The following ASIC2 variants were observed in gnomAD, a reference collection of about 807,000 sequenced individuals.
ASIC2 encodes acid-sensing ion channel 2.
Under a neutral mutation model 57.3 loss-of-function variants are expected in ASIC2, and 25 were observed. The ratio of observed to expected loss-of-function variants is 0.44; its 90% CI spans 0.32 to 0.61. The LOEUF (loss-of-function observed/expected upper bound fraction) is 0.61, where lower values mean the gene tolerates loss of function less well. ASIC2 is among the 20% of genes least tolerant of loss of function. ASIC2 has a pLI of 0.06. For synonymous variants in ASIC2, 319 were observed against 307.5 expected, an observed-to-expected ratio of 1.04 and a Z score of -0.39; for missense variants, 641 against 738.1, an observed-to-expected ratio of 0.87 and a Z score of 1.52.
At chr17:33,586,365 GT>G (rs1387990981) in intron 1 of ASIC2, among the ~76,000 whole-genome samples, 4 of 151,940 alleles carry the variant, frequency 2.6e-5, no homozygotes, top group Non-Finnish European at 4.4e-5. Flanking sequence ...AAATTCTTGG[GT>G]TATTGCAATA....
At chr17:33,965,966 TC>T (rs1289293298) in intron 1 of ASIC2, among the ~76,000 whole-genome samples, 4 of 152,130 alleles carry the variant, frequency 2.6e-5, no homozygotes, top group African/African-American at 9.7e-5. Context: ...GCCTATGCTC[TC>T]CTCCTCCTCT....
intron 1 of ASIC2, among the ~76,000 whole-genome samples, chr17:33,270,933 G>C (rs1904467562): frequency 6.6e-6 from 1 of 152,206 alleles, no homozygotes. Context: ...AGAGGAGGAA[G>C]CTAAGGATCC....
chr17:33,846,657 C>T (rs1913613317), intron 1 of ASIC2, among the ~76,000 whole-genome samples: 1 of 152,156 alleles, frequency 6.6e-6, no homozygotes, highest in African/African-American at 2.4e-5. Context: ...CACACCCACC[C>T]ACACACAATA....
At chr17:33,560,722 G>C (rs1231749288) in intron 1 of ASIC2, among the ~76,000 whole-genome samples, 1 of 152,198 alleles carries the variant, frequency 6.6e-6, no homozygotes, top group Non-Finnish European at 1.5e-5. Flanking sequence ...CACATTTATT[G>C]GGTATCCTCT....
rs114222035 is a variant in ASIC2 at position 33,872,692 on chromosome 17, G to A, written c.555+283286C>T. On this transcript the variant is annotated intron_variant, in intron 1 of 9. Coordinates refer to the ASIC2 transcript ENST00000359872. ...ACACCCCTTAAGACCCCCAGTAATC[G>A]CTCACCCAGCAGTTCACCTGTCAGT... Among the ~76,000 whole-genome samples, 253 of 152,208 alleles carry A rather than the reference G, an allele frequency of 1.7e-3. 1 individual carries two copies. Among genetic ancestry groups the A allele is most frequent in the African/African-American group, 5.6e-3 (234 of 41,540 alleles).
intron 1 of ASIC2, among the ~76,000 whole-genome samples, chr17:33,967,071 A>C (rs2141995693): frequency 6.6e-6 from 1 of 152,060 alleles, no homozygotes; most frequent in East Asian, 1.9e-4. Flanking sequence ...TGGTTCTCTG[A>C]GTTTACGCAT....
intron 1 of ASIC2, among the ~76,000 whole-genome samples, chr17:33,263,508 T>C (rs1909357408): frequency 6.6e-6 from 1 of 152,216 alleles, no homozygotes; most frequent in Non-Finnish European, 1.5e-5. Context: ...CCCATCCATA[T>C]ATAGCAGCTG....
chr17:33,321,610 T>C, intron 1 of ASIC2, among the ~76,000 whole-genome samples: 1 of 152,184 alleles, frequency 6.6e-6, no homozygotes, highest in East Asian at 1.9e-4. Context: ...TATTATTATT[T>C]TGCTTCTTCC....
chr17:33,887,924 T>C (rs116589264), intron 1 of ASIC2, among the ~76,000 whole-genome samples: 94 of 152,336 alleles, frequency 6.2e-4, no homozygotes, highest in African/African-American at 2.1e-3. Flanking sequence ...CATAGCCTCA[T>C]TGAGTTCCTC....
chr17:33,190,376 G>A (rs1253071297), intron 1 of ASIC2, among the ~76,000 whole-genome samples: 2 of 152,100 alleles, frequency 1.3e-5, no homozygotes, highest in African/African-American at 4.8e-5. Context: ...AAACATTGCT[G>A]AGAGAAATTA....
At chr17:33,684,578 T>C (rs932387046) in intron 1 of ASIC2, among the ~76,000 whole-genome samples, 1 of 152,202 alleles carries the variant, frequency 6.6e-6, no homozygotes, top group Non-Finnish European at 1.5e-5. Flanking sequence ...ACAGAGCAGC[T>C]AGACATTACG....
intron 3 of ASIC2, among the ~76,000 whole-genome samples, chr17:33,046,937 G>A (rs978876075): frequency 6.6e-6 from 1 of 152,224 alleles, no homozygotes; most frequent in African/African-American, 2.4e-5. Flanking sequence ...GGGCCCACAG[G>A]GCAGAACCAA....
chr17:33,696,099 CA>C (rs759623889), intron 1 of ASIC2, among the ~76,000 whole-genome samples: 2 of 152,214 alleles, frequency 1.3e-5, no homozygotes, highest in South Asian at 2.1e-4. Context: ...TATCCTTATA[CA>C]AACCTCATGC....
At chr17:33,698,772 T>C (rs1908607467) in intron 1 of ASIC2, among the ~76,000 whole-genome samples, 2 of 152,018 alleles carry the variant, frequency 1.3e-5, no homozygotes, top group African/African-American at 4.8e-5. Flanking sequence ...GGCTGCGGTA[T>C]GGTGAGGCTG....
intron 1 of ASIC2, among the ~76,000 whole-genome samples, chr17:33,945,631 C>T (rs1472483156): frequency 6.6e-6 from 1 of 152,110 alleles, no homozygotes; most frequent in Non-Finnish European, 1.5e-5. Flanking sequence ...ATTTAGGCTG[C>T]ATATGGCTTC....
chr17:33,523,547 T>C (rs1397273051), intron 1 of ASIC2, among the ~76,000 whole-genome samples: 3 of 152,130 alleles, frequency 2.0e-5, no homozygotes, highest in Non-Finnish European at 4.4e-5. Context: ...CGTGAACCAC[T>C]GTGCCCGGCT....
intron 1 of ASIC2, among the ~76,000 whole-genome samples, chr17:33,642,080 C>T (rs749661996): frequency 4.6e-5 from 7 of 151,980 alleles, no homozygotes; most frequent in Non-Finnish European, 1.0e-4. Flanking sequence ...CAGAGAGCAC[C>T]AAGACCTTAG....
intron 1 of ASIC2, among the ~76,000 whole-genome samples, chr17:33,287,350 C>T (rs1246625493): frequency 6.6e-6 from 1 of 152,224 alleles, no homozygotes; most frequent in African/African-American, 2.4e-5. Flanking sequence ...GCTCCTTGTT[C>T]CTGCAGAGGA....
At chr17:33,370,743 G>A (rs1049210281) in intron 1 of ASIC2, among the ~76,000 whole-genome samples, 1 of 152,192 alleles carries the variant, frequency 6.6e-6, no homozygotes, top group African/African-American at 2.4e-5. Context: ...AGCAGGATTT[G>A]GAAAAGACTC....
Sources: allele counts gnomAD v4.1 joint callset (sites outside exome capture counted in the v4.1 genomes callset), GRCh38; gene constraint gnomAD v4.1.1; transcripts MANE v1.5; gene names NCBI Gene and HGNC (gene_info 2026-07-23, HGNC 2026-07-21).